The following ACTR3B variants were observed in gnomAD, a reference collection of about 807,000 sequenced individuals.
The protein encoded by ACTR3B is actin-related protein 3B.
A neutral mutation model predicts 59.0 loss-of-function variants in ACTR3B; 8 were observed. That is an observed-to-expected ratio of 0.14 (90% CI 0.08 to 0.24). ACTR3B has a LOEUF of 0.24. ACTR3B is among the 10% of genes least tolerant of loss of function. The probability of loss-of-function intolerance (pLI) is 1.00; values close to 1 mark genes in which losing one functional copy is unlikely to be tolerated. For missense variants in ACTR3B, 245 were observed against 552.3 expected (o/e 0.44, Z 5.58); for synonymous variants, 148 against 197.9 (o/e 0.75, Z 2.12).
At chr7:152,794,728 A>G (rs2098209805) in intron 2 of ACTR3B, among the ~76,000 whole-genome samples, 2 of 152,062 alleles carry the variant, frequency 1.3e-5, no homozygotes, top group Non-Finnish European at 2.9e-5. Flanking sequence ...ATCTATTTCT[A>G]CAGATCACCT....
intron 1 of ACTR3B, among the ~76,000 whole-genome samples, chr7:152,767,551 G>A (rs1246198234): frequency 6.6e-6 from 1 of 152,052 alleles, no homozygotes; most frequent in African/African-American, 2.4e-5. Context: ...TTTTTATTGG[G>A]ATTTTATTAA....
intron 5 of ACTR3B, among the ~76,000 whole-genome samples, chr7:152,815,313 CT>C (rs1211128409): frequency 6.6e-6 from 1 of 152,228 alleles, no homozygotes; most frequent in Non-Finnish European, 1.5e-5. Context: ...TTCACAGCGC[CT>C]ATCAGCACAG....
intron 9 of ACTR3B, among the ~76,000 whole-genome samples, chr7:152,851,173 C>T (rs934326530): frequency 3.3e-5 from 5 of 152,188 alleles, no homozygotes; most frequent in Non-Finnish European, 7.3e-5. Flanking sequence ...CAGTAAGAGA[C>T]TTCTGAACAG....
rs1312972289 is a variant in ACTR3B, at chr7:152,788,020, G to A, written c.100+4778G>A. Among the ~76,000 whole-genome samples the A allele has an allele frequency of 3.3e-5, 5 of 152,156 alleles. No individual in the cohort carries two copies. The East Asian group carries it at 9.7e-4, about 29-fold the overall frequency. ...GCTCATTGCAACCTCCGCCTCCCAGGTTCAAATGATTCTCCTGCCTCAGCC... is the reference window on the plus strand; with the variant it reads ...GCTCATTGCAACCTCCGCCTCCCAGATTCAAATGATTCTCCTGCCTCAGCC... On this transcript the variant is annotated intron_variant, in intron 2 of 11. Transcript: ENST00000256001.
chr7:152,828,317 G>A (rs1340715735), intron 9 of ACTR3B, among the ~76,000 whole-genome samples: 1 of 151,978 alleles, frequency 6.6e-6, no homozygotes, highest in East Asian at 1.9e-4. Flanking sequence ...CTACTCTAGG[G>A]CTCCTGCTGA....
At chr7:152,808,635 T>TTC (rs2098259852) in intron 4 of ACTR3B, among the ~76,000 whole-genome samples, 1 of 152,240 alleles carries the variant, frequency 6.6e-6, no homozygotes, top group African/African-American at 2.4e-5. Context: ...TCTTCATACC[T>TTC]TCTTAACCTT....
chr7:152,823,223 C>T lies in ACTR3B; in HGVS notation c.685-119C>T, dbSNP rs558484083. 1.3e-4 allele frequency: 183 copies of T among 1,385,334 alleles called. 1 individual carries two copies. The Admixed American group carries it at 3.6e-3, about 27-fold the overall frequency. 85.8% of individuals were successfully genotyped at this position (1,385,334 alleles called of 1,614,324 possible). ...TTGATGCATATCCACACTAGAGTTA[C>T]GGTGGGGGCGGTTCTGATCCCAGGG... On this transcript the variant is annotated intron_variant, in intron 7 of 11. Coordinates refer to ENST00000256001, the MANE Select transcript of ACTR3B (RefSeq NM_020445.6).
intron 2 of ACTR3B, among the ~76,000 whole-genome samples, chr7:152,791,172 G>A (rs1355945844): frequency 6.6e-6 from 1 of 151,770 alleles, no homozygotes; most frequent in Non-Finnish European, 1.5e-5. Flanking sequence ...CACCATGCCC[G>A]GCTGATTTTT....
At chr7:152,834,490 A>G (rs144019137) in intron 9 of ACTR3B, among the ~76,000 whole-genome samples, 271 of 151,864 alleles carry the variant, frequency 1.8e-3, no homozygotes, top group Middle Eastern at 3.4e-3. Flanking sequence ...TTTCCCTTTT[A>G]TTTTCATGAA....
At chr7:152,821,694 C>T (rs191786804) in intron 7 of ACTR3B, among the ~76,000 whole-genome samples, 15 of 152,296 alleles carry the variant, frequency 9.8e-5, no homozygotes, top group Admixed American at 1.3e-4. Flanking sequence ...GTGTCTCCCC[C>T]CTGTGAAGGC....
intron 1 of ACTR3B, among the ~76,000 whole-genome samples, chr7:152,779,372 T>G (rs1590224002): frequency 6.6e-6 from 1 of 152,102 alleles, no homozygotes; most frequent in African/African-American, 2.4e-5. Flanking sequence ...CCAGGTAAAG[T>G]AAGCCATGCT....
chr7:152,828,606 A>G (rs1796770841), intron 9 of ACTR3B, among the ~76,000 whole-genome samples: 1 of 152,140 alleles, frequency 6.6e-6, no homozygotes, highest in Non-Finnish European at 1.5e-5. Flanking sequence ...ACATGCTGCA[A>G]ATACTTCTGC....
intron 1 of ACTR3B, among the ~76,000 whole-genome samples, chr7:152,761,551 T>C (rs2098089363): frequency 6.6e-6 from 1 of 152,144 alleles, no homozygotes; most frequent in Admixed American, 6.5e-5. Context: ...TTTTGACCTT[T>C]TGAGGTAAGT....
At chr7:152,768,966 C>T (rs1424813264) in intron 1 of ACTR3B, among the ~76,000 whole-genome samples, 1 of 151,902 alleles carries the variant, frequency 6.6e-6, no homozygotes, top group Non-Finnish European at 1.5e-5. Flanking sequence ...CAGTTCTTTG[C>T]CTCAGCCTCC....
intron 9 of ACTR3B, among the ~76,000 whole-genome samples, chr7:152,842,397 C>T (rs1317261897): frequency 1.3e-5 from 2 of 152,152 alleles, no homozygotes; most frequent in East Asian, 1.9e-4. Flanking sequence ...TGGGACAGCT[C>T]GAGATTTCAT....
In ACTR3B at chr7:152,823,330, G is replaced by A; in HGVS notation, c.685-12G>A. 2 of 1,611,834 alleles carry A rather than the reference G, an allele frequency of 1.2e-6. No individual in the cohort carries two copies. Among genetic ancestry groups the A allele is most frequent in the Non-Finnish European group, 1.7e-6 (2 of 1,178,764 alleles). On this transcript the variant is annotated splice_polypyrimidine_tract_variant and intron_variant, in intron 7 of 11. Transcript: ENST00000256001. ...TGTTAATGCCTGGCAACATCTTTGT[G>A]TGTGTATGCAGGAGAAATACTGTTA...
intron 1 of ACTR3B, among the ~76,000 whole-genome samples, chr7:152,768,766 G>T (rs113683295): frequency 0.012 from 1,822 of 151,020 alleles, 27 homozygotes; most frequent in East Asian, 0.034. Flanking sequence ...ATGAGCCACC[G>T]CGCCTGGCTA....
chr7:152,785,584 A>G (rs1257872105), intron 2 of ACTR3B, among the ~76,000 whole-genome samples: 1 of 144,418 alleles, frequency 6.9e-6, no homozygotes, highest in Non-Finnish European at 1.5e-5. Context: ...GGCAGAAGTG[A>G]GGATACTGAG....
At chr7:152,836,893 G>A (rs529378874) in intron 9 of ACTR3B, among the ~76,000 whole-genome samples, 202 of 152,224 alleles carry the variant, frequency 1.3e-3, no homozygotes, top group African/African-American at 4.7e-3. Context: ...AATGCAGGCC[G>A]GCCTTCATGG....
Sources: allele counts gnomAD v4.1 joint callset (sites outside exome capture counted in the v4.1 genomes callset), GRCh38; gene constraint gnomAD v4.1.1; transcripts MANE v1.5; gene names NCBI Gene and HGNC (gene_info 2026-07-23, HGNC 2026-07-21).